The following PNPLA7 variants were observed in gnomAD, a reference collection of about 807,000 sequenced individuals.
PNPLA7 encodes patatin-like phospholipase domain-containing protein 7.
In PNPLA7, 153 loss-of-function variants were observed where a neutral mutation model predicts 161.7. The ratio of observed to expected loss-of-function variants is 0.95; its 90% CI spans 0.83 to 1.08. PNPLA7 has a LOEUF of 1.08. PNPLA7 is among the 50% of genes least tolerant of loss of function. The probability of loss-of-function intolerance (pLI) is 0.00; values close to 1 mark genes in which losing one functional copy is unlikely to be tolerated. For missense variants in PNPLA7, 1,739 were observed against 1,856.6 expected, an observed-to-expected ratio of 0.94 and a Z score of 1.16; for synonymous variants, 809 against 782.1, an observed-to-expected ratio of 1.03 and a Z score of -0.57.
At chr9:137,498,295 T>A (rs758541545) in intron 16 of PNPLA7, 50 bp from the exon 17 acceptor site, 1 of 1,597,414 alleles carries the variant, frequency 6.3e-7, no homozygotes, top group South Asian at 1.1e-5. Flanking sequence ...AACCCTACCC[T>A]TCGCCCAGGG....
intron 17 of PNPLA7, 84 bp from the exon 18 acceptor site, chr9:137,497,394 G>C: frequency 7.8e-7 from 1 of 1,278,166 alleles, no homozygotes; most frequent in East Asian, 3.0e-5. Context: ...ACAGACTCAG[G>C]ATGGAGAAAA....
At position 137,547,039 on chromosome 9, in the gene PNPLA7, G is replaced by A; in HGVS notation, c.194-130C>T. On this transcript the variant is annotated intron_variant, in intron 3 of 34. Coordinates refer to ENST00000406427, the MANE Select transcript of PNPLA7 (RefSeq NM_001098537.3). This position sits in a 1 kb window ranked among gnomAD's most constrained non-coding sequence, Gnocchi z 4.6. ...CTGGCCATACTCAGACAGCATGAGGGAAGAGGGCCTGAGTGACAGGCTCAT... is the reference window on the plus strand; with the variant it reads ...CTGGCCATACTCAGACAGCATGAGGAAAGAGGGCCTGAGTGACAGGCTCAT... 1.1e-6 allele frequency: 1 copy of A among 872,592 alleles called. No individual in the cohort carries two copies. Among genetic ancestry groups the A allele is most frequent in the African/African-American group, 1.7e-5 (1 of 60,242 alleles). 54.1% of individuals were successfully genotyped at this position (872,592 alleles called of 1,614,324 possible).
chr9:137,504,583 A>G (rs2132337101), intron 14 of PNPLA7, among the ~76,000 whole-genome samples: 1 of 152,302 alleles, frequency 6.6e-6, no homozygotes, highest in East Asian at 1.9e-4. Flanking sequence ...GATCTGTACA[A>G]CAAGAAACCA....
Position 137,540,946 on chromosome 9 carries a change from C to G in PNPLA7, c.667-224G>C. The G allele has an allele frequency of 5.9e-6, 3 of 511,076 alleles. No homozygotes were observed. The highest frequency in any genetic ancestry group is 3.6e-6 in the Non-Finnish European group (1 of 279,356). 31.7% of individuals were successfully genotyped at this position (511,076 alleles called of 1,614,324 possible). A position where few individuals can be genotyped will look rare whatever the true frequency, so the allele number is the denominator to read the frequency against. On this transcript the variant is annotated intron_variant, in intron 7 of 34. Coordinates refer to ENST00000406427, the MANE Select transcript of PNPLA7 (RefSeq NM_001098537.3). This position sits in a 1 kb window ranked among gnomAD's most constrained non-coding sequence, Gnocchi z 5.1. ...CAGCAAGGAAAACAGACGGAGGAGA[C>G]CCCACCTCTCCATCCCATGACTCGT... is the stretch of plus-strand genomic sequence containing the variant.
intron 20 of PNPLA7, among the ~76,000 whole-genome samples, chr9:137,491,095 A>G (rs58416651): frequency 6.6e-6 from 1 of 152,204 alleles, no homozygotes; most frequent in African/African-American, 2.4e-5. Context: ...TTCAAGTAAC[A>G]TAAGAGTAGA....
At chr9:137,461,673 C>T in intron 32 of PNPLA7, 53 bp from the exon 33 acceptor site, 1 of 1,518,846 alleles carries the variant, frequency 6.6e-7, no homozygotes, top group Non-Finnish European at 9.0e-7. Context: ...CCTGCCAGTC[C>T]CCAGCCTGCT....
At chr9:137,464,003 G>T in intron 28 of PNPLA7, 123 bp downstream of exon 28, 1 of 1,091,488 alleles carries the variant, frequency 9.2e-7, no homozygotes, top group Non-Finnish European at 1.3e-6. Context: ...CATGGACAAA[G>T]CTGCCCATAC....
chr9:137,508,862 T>C (rs913732990), intron 12 of PNPLA7: 1 of 152,136 alleles, frequency 6.6e-6, no homozygotes, highest in Non-Finnish European at 1.5e-5. Flanking sequence ...ACAGAGAATA[T>C]ATAAAGAATT....
chr9:137,483,269 C>T (rs1220428896), intron 21 of PNPLA7, among the ~76,000 whole-genome samples: 17 of 151,882 alleles, frequency 1.1e-4, no homozygotes, highest in Non-Finnish European at 5.9e-5. Flanking sequence ...TTATGTGACG[C>T]GGGACAGCTC....
intron 29 of PNPLA7, 35 bp from the exon 30 acceptor site, chr9:137,462,868 A>G: frequency 6.2e-7 from 1 of 1,608,168 alleles, no homozygotes; most frequent in African/African-American, 1.3e-5. Context: ...CCCCCTGGAC[A>G]GGCATGCAGA....
At position 137,500,954 on chromosome 9, in the gene PNPLA7, G is replaced by T; in HGVS notation, c.1552-58C>A. The T allele has an allele frequency of 6.7e-7, 1 of 1,482,772 alleles. No individual in the cohort carries two copies. Among genetic ancestry groups the T allele is most frequent in the Non-Finnish European group, 9.1e-7 (1 of 1,103,596 alleles). The allele number at this position is 1,482,772 out of a possible 1,614,324, so 91.9% of individuals were successfully genotyped here. ...AGTGGCCGCGGGCAGGACGGGGGCA[G>T]CTCTGGGCCCAGAGCGGACGATGCC... is the stretch of plus-strand genomic sequence containing the variant. On this transcript the variant is annotated intron_variant, in intron 15 of 34. Coordinates refer to ENST00000406427, the MANE Select transcript of PNPLA7 (RefSeq NM_001098537.3). This position sits in a 1 kb window ranked among gnomAD's most constrained non-coding sequence, Gnocchi z 5.5.
intron 14 of PNPLA7, among the ~76,000 whole-genome samples, chr9:137,503,744 G>GA (rs374992867): frequency 1.5e-5 from 2 of 135,180 alleles, no homozygotes; most frequent in African/African-American, 6.1e-5. Context: ...GGGGAAGGAA[G>GA]AAGAAGAAAG....
chr9:137,494,009 G>A (rs750646063), intron 19 of PNPLA7, among the ~76,000 whole-genome samples: 16 of 152,190 alleles, frequency 1.1e-4, no homozygotes, highest in Non-Finnish European at 1.0e-4. Flanking sequence ...GAGGGGAGGC[G>A]GTGGAGGGAG....
intron 20 of PNPLA7, 67 bp downstream of exon 20, chr9:137,492,945 TG>T: frequency 1.0e-6 from 1 of 961,824 alleles, no homozygotes; most frequent in Non-Finnish European, 1.3e-6. Context: ...GGCCATGGGC[TG>T]GGTGGGCGGG....
At chr9:137,494,551 G>A (rs774289390) in intron 19 of PNPLA7, among the ~76,000 whole-genome samples, 22 of 151,928 alleles carry the variant, frequency 1.4e-4, no homozygotes, top group Admixed American at 2.6e-4. Flanking sequence ...ACCCTCACCC[G>A]CGCCCTCACC....
At chr9:137,464,837 C>T (rs1831390572) in intron 26 of PNPLA7, 2 of 252,892 alleles carry the variant, frequency 7.9e-6, no homozygotes, top group Admixed American at 5.0e-5. Context: ...TCGGGGCGGG[C>T]TGCTGGGCAC....
intron 26 of PNPLA7, among the ~76,000 whole-genome samples, chr9:137,465,011 A>G (rs1831398394): frequency 6.6e-6 from 1 of 152,162 alleles, no homozygotes; most frequent in Admixed American, 6.5e-5. Context: ...TTCCTCAGTG[A>G]GGCAGGCAGG....
Position 137,462,306 on chromosome 9 carries a change from G to A in PNPLA7, c.3518C>T (p.Thr1173Met). 4 of 1,609,118 alleles carry A rather than the reference G, an allele frequency of 2.5e-6. No individual in the cohort carries two copies. Among genetic ancestry groups the A allele is most frequent in the East Asian group, 2.2e-5 (1 of 44,826 alleles). The change falls in exon 31 of 35, where the codon ACG becomes ATG. Residue 1173 changes from threonine to methionine, a missense_variant. Transcript: ENST00000406427. Reference sequence around the variant, plus strand: ...CACGCAACACACGTAGGCCAGGCGCGTCTGAATCTCTGCCATGTTCAACAC... The same window carrying A: ...CACGCAACACACGTAGGCCAGGCGCATCTGAATCTCTGCCATGTTCAACAC... ...VKVLNMAEIQ[T>M]RLAYVCCVRQ...
intron 12 of PNPLA7, among the ~76,000 whole-genome samples, chr9:137,510,285 C>T (rs991721847): frequency 2.6e-5 from 4 of 152,102 alleles, no homozygotes; most frequent in Non-Finnish European, 4.4e-5. Flanking sequence ...CACAGTTATC[C>T]GGAGGCCTAA....
Sources: allele counts gnomAD v4.1 joint callset (sites outside exome capture counted in the v4.1 genomes callset), GRCh38; gene constraint gnomAD v4.1.1; non-coding constraint Gnocchi (gnomAD v3.1); transcripts MANE v1.5; gene names NCBI Gene and HGNC (gene_info 2026-07-23, HGNC 2026-07-21).